The following GPSM2 variants were observed in gnomAD, a reference collection of about 807,000 sequenced individuals.
The protein encoded by GPSM2 is G protein signaling modulator 2.
Under a neutral mutation model 78.4 loss-of-function variants are expected in GPSM2, and 58 were observed. That is an observed-to-expected ratio of 0.74 (90% CI 0.60 to 0.92). The LOEUF (loss-of-function observed/expected upper bound fraction) is 0.92, where lower values mean the gene tolerates loss of function less well. Ranked by LOEUF, GPSM2 falls within the 40% of genes least tolerant of loss-of-function variation. The pLI is 0.00. For synonymous variants in GPSM2, 224 were observed against 280.2 expected, an observed-to-expected ratio of 0.80 and a Z score of 2.00; for missense variants, 700 against 815.5, an observed-to-expected ratio of 0.86 and a Z score of 1.73.
intron 2 of GPSM2, among the ~76,000 whole-genome samples, chr1:108,886,697 T>TG (rs1647577096): frequency 6.6e-6 from 1 of 152,112 alleles, no homozygotes; most frequent in African/African-American, 2.4e-5. Context: ...TGTGTGTTGG[T>TG]GGGGGTGGAT....
In GPSM2 at chr1:108,884,991, A is replaced by C. The variant is rs537281491; in HGVS notation, c.-248-284A>C. ...TTTGAAGCAGCAATTTTGTTTTTAGATGCTAATATGATACATACTGTTCTT... is the reference window on the plus strand; with the variant it reads ...TTTGAAGCAGCAATTTTGTTTTTAGCTGCTAATATGATACATACTGTTCTT... On this transcript the variant is annotated intron_variant, in intron 1 of 14. Coordinates refer to ENST00000264126, the MANE Select transcript of GPSM2 (RefSeq NM_013296.5). Among the ~76,000 whole-genome samples the C allele has an allele frequency of 6.6e-5, 10 of 152,320 alleles. No individual in the cohort carries two copies. The East Asian group carries it at 1.7e-3, about 26-fold the overall frequency.
Position 108,885,533 on chromosome 1 carries a change from A to G in GPSM2, c.11A>G (p.Asn4Ser). The G allele has an allele frequency of 6.4e-7, 1 of 1,574,188 alleles. No individual in the cohort carries two copies. The highest frequency in any genetic ancestry group is 1.1e-5 in the South Asian group (1 of 90,148). MEE[N>S]LISMREDHSF... ...TTATAATATGACTCGATGGAGGAAA[A>G]TTTGATAAGCATGAGAGAAGACCAT... The change falls in exon 2 of 15, where the codon AAT becomes AGT. Residue 4 changes from asparagine (N) to serine (S), a missense_variant. By Grantham distance (46) the Asn-to-Ser change is conservative (BLOSUM62 1). Coordinates refer to ENST00000264126, the MANE Select transcript of GPSM2 (RefSeq NM_013296.5).
chr1:108,920,166 C>CA (rs1215587720), intron 12 of GPSM2, among the ~76,000 whole-genome samples: 82 of 141,158 alleles, frequency 5.8e-4, no homozygotes, highest in African/African-American at 2.1e-3. Context: ...GACCCCATCT[C>CA]AAAAAAAATA....
intron 2 of GPSM2, among the ~76,000 whole-genome samples, chr1:108,895,157 C>G (rs1413721017): frequency 1.3e-5 from 2 of 152,142 alleles, no homozygotes; most frequent in East Asian, 3.8e-4. Flanking sequence ...AGACATCACC[C>G]AGAGGGTGGA....
intron 12 of GPSM2, among the ~76,000 whole-genome samples, chr1:108,919,200 G>A (rs548658972): frequency 3.6e-4 from 55 of 152,054 alleles, no homozygotes; most frequent in Non-Finnish European, 7.5e-4. Flanking sequence ...TAGAGACGGG[G>A]TTTCACCACG....
At chr1:108,919,006 C>A (rs545282342) in intron 12 of GPSM2, among the ~76,000 whole-genome samples, 32 of 151,584 alleles carry the variant, frequency 2.1e-4, no homozygotes, top group Non-Finnish European at 4.3e-4. Context: ...GTAATTATTT[C>A]TTTTTCTTTT....
At chr1:108,890,207 C>A (rs951471043) in intron 2 of GPSM2, among the ~76,000 whole-genome samples, 14 of 152,210 alleles carry the variant, frequency 9.2e-5, no homozygotes, top group African/African-American at 3.4e-4. Context: ...CCTCACCTCT[C>A]CCTTTGAGCA....
At chr1:108,901,209 A>G (rs1008923208) in intron 7 of GPSM2, among the ~76,000 whole-genome samples, 3 of 152,208 alleles carry the variant, frequency 2.0e-5, no homozygotes, top group Non-Finnish European at 2.9e-5. Flanking sequence ...TCCAAGATCT[A>G]TGCTCTTAAC....
intron 11 of GPSM2, among the ~76,000 whole-genome samples, chr1:108,917,595 T>TACACACACACACACACAC (rs71593443): frequency 5.2e-5 from 3 of 57,274 alleles, no homozygotes; most frequent in Admixed American, 2.4e-4. Context: ...AACAAATGTA[T>TACACACACACACACACAC]ACACACACAC....
chr1:108,910,922 A>G (rs1209042682), intron 10 of GPSM2, among the ~76,000 whole-genome samples: 1 of 152,202 alleles, frequency 6.6e-6, no homozygotes, highest in African/African-American at 2.4e-5. Context: ...TAATTCACTA[A>G]TGAACATAGT....
At chr1:108,917,306 G>A (rs572212124) in intron 11 of GPSM2, among the ~76,000 whole-genome samples, 5 of 151,954 alleles carry the variant, frequency 3.3e-5, no homozygotes, top group Admixed American at 2.0e-4. Context: ...AGTGGCTCAC[G>A]CCTGTAATCT....
intron 2 of GPSM2, among the ~76,000 whole-genome samples, chr1:108,892,552 T>C (rs1177722195): frequency 2.0e-5 from 3 of 152,214 alleles, no homozygotes; most frequent in Non-Finnish European, 4.4e-5. Flanking sequence ...ATTATACAGC[T>C]AGATAGGCTC....
intron 10 of GPSM2, among the ~76,000 whole-genome samples, chr1:108,906,215 G>T (rs1649206473): frequency 1.3e-5 from 2 of 152,000 alleles, no homozygotes; most frequent in Non-Finnish European, 2.9e-5. Context: ...GGTCATACTT[G>T]TTCCCTTTCT....
In GPSM2 at chr1:108,914,533, TAA is replaced by T. The variant is rs201246259; in HGVS notation, c.1263+133_1263+134del. The stretch of plus-strand genomic sequence containing the variant: ...TAGGTATCACTTTAAAATTTGCCTG[TAA>T]AAAAAAAGTCAGAAAAAGTATAGTG... On this transcript the variant is annotated intron_variant, in intron 11 of 14. Coordinates refer to ENST00000264126, the MANE Select transcript of GPSM2 (RefSeq NM_013296.5). 2.2e-4 allele frequency: 149 copies of T among 691,768 alleles called. No homozygotes were observed. In the East Asian group the frequency reaches 3.8e-3, roughly 18 times the overall value. The allele number at this position is 691,768 out of a possible 1,614,324, so 42.9% of individuals were successfully genotyped here. A position where few individuals can be genotyped will look rare whatever the true frequency, so the allele number is the denominator to read the frequency against.
At chr1:108,881,434 G>T (rs1665896982) in intron 1 of GPSM2, among the ~76,000 whole-genome samples, 1 of 152,234 alleles carries the variant, frequency 6.6e-6, no homozygotes, top group Non-Finnish European at 1.5e-5. Flanking sequence ...TTTAATATTT[G>T]TTGCAAATTT....
At position 108,922,464 on chromosome 1, in the gene GPSM2, A is replaced by C. The variant is rs370835646; in HGVS notation, c.1488A>C (p.Leu496Phe). Residue 496 changes from leucine (L) to phenylalanine (F), a missense_variant, in exon 13 of 15, where the codon TTA becomes TTC. Coordinates refer to ENST00000264126, the MANE Select transcript of GPSM2 (RefSeq NM_013296.5). ...TIGDEGFFDL[L>F]SRFQSNRMDD... ...GAGATGAAGGGTTCTTTGACTTATT[A>C]AGCCGATTTCAAAGCAATAGGATGG... 18 of 1,612,352 alleles carry C rather than the reference A, an allele frequency of 1.1e-5. No homozygotes were observed. The highest frequency in any genetic ancestry group is 1.5e-5 in the Non-Finnish European group (18 of 1,178,442).
At chr1:108,925,621 A>G (rs1256213922) in intron 14 of GPSM2, among the ~76,000 whole-genome samples, 3 of 152,134 alleles carry the variant, frequency 2.0e-5, no homozygotes, top group African/African-American at 7.2e-5. Context: ...TAAGAACCTG[A>G]GTCAGATGAT....
Position 108,931,738 on chromosome 1 carries a change from G to C in GPSM2, c.*1798G>C, listed in dbSNP as rs534684696. The C allele has an allele frequency of 3.0e-6, 1 of 330,738 alleles. No homozygotes were observed. The highest frequency in any genetic ancestry group is 9.7e-5 in the South Asian group (1 of 10,334). 20.5% of individuals were successfully genotyped at this position (330,738 alleles called of 1,614,324 possible). ...TTTAAAAACTCAGGTAAGTTTCATG[G>C]GGTTCTTATAAGAAAATTCAGTTAA... On this transcript the variant is annotated 3_prime_UTR_variant, in exon 15 of 15. Transcript: ENST00000264126.
intron 14 of GPSM2, among the ~76,000 whole-genome samples, chr1:108,925,342 C>T (rs1651039059): frequency 6.6e-6 from 1 of 152,082 alleles, no homozygotes; most frequent in African/African-American, 2.4e-5. Context: ...AAATCTGGAG[C>T]CCAAGGGAGA....
Sources: allele counts gnomAD v4.1 joint callset (sites outside exome capture counted in the v4.1 genomes callset), GRCh38; gene constraint gnomAD v4.1.1; transcripts MANE v1.5; gene names NCBI Gene and HGNC (gene_info 2026-07-23, HGNC 2026-07-21).